Variants in CRIM1 observed in about 807,000 individuals in gnomAD.
CRIM1 encodes the protein cysteine rich transmembrane BMP regulator 1, also known as cysteine-rich motor neuron 1 protein.
In CRIM1, 32 loss-of-function variants were observed where a neutral mutation model predicts 116.4. The ratio of observed to expected loss-of-function variants is 0.27; its 90% CI spans 0.21 to 0.37. The LOEUF is 0.37. Ranked by LOEUF, CRIM1 falls within the 10% of genes least tolerant of loss-of-function variation. The pLI is 1.00. For missense variants in CRIM1, 1,331 were observed against 1,354.8 expected (o/e 0.98, Z 0.28); for synonymous variants, 590 against 509.2 (o/e 1.16, Z -2.13).
chr2:36,528,267 C>T (rs755943613), intron 13 of CRIM1, among the ~76,000 whole-genome samples: 8 of 152,274 alleles, frequency 5.3e-5, no homozygotes, highest in South Asian at 4.1e-4. Flanking sequence ...ATGAGCTTTT[C>T]GAGGCCGAGA....
intron 2 of CRIM1, among the ~76,000 whole-genome samples, chr2:36,423,623 G>T (rs1345922754): frequency 6.6e-6 from 1 of 152,174 alleles, no homozygotes; most frequent in Non-Finnish European, 1.5e-5. Context: ...CATACTTTGG[G>T]TTGGTGCTAC....
At chr2:36,357,293 G>A (rs1254188445) in intron 1 of CRIM1, among the ~76,000 whole-genome samples, 5 of 152,144 alleles carry the variant, frequency 3.3e-5, no homozygotes. Context: ...GGAAAGGGGG[G>A]TGGGGGTTGC....
chr2:36,409,864 A>G lies in CRIM1; in HGVS notation c.505+13077A>G, dbSNP rs569915689. Among the ~76,000 whole-genome samples, 4 of 152,336 alleles carry G rather than the reference A, an allele frequency of 2.6e-5. No homozygotes were observed. The South Asian group carries it at 8.3e-4, about 32-fold the overall frequency. Reference sequence around the variant, plus strand: ...AATAATAAAATTTGACTCATTCCCTAGTTCATATTGACCTTCACTAAGCAT... The same window carrying G: ...AATAATAAAATTTGACTCATTCCCTGGTTCATATTGACCTTCACTAAGCAT... On this transcript the variant is annotated intron_variant, in intron 2 of 16. Coordinates refer to ENST00000280527, the MANE Select transcript of CRIM1 (RefSeq NM_016441.3).
At chr2:36,534,330 AAAG>A (rs1181503670) in intron 13 of CRIM1, among the ~76,000 whole-genome samples, 3 of 114,232 alleles carry the variant, frequency 2.6e-5, no homozygotes, top group Non-Finnish European at 5.4e-5. Flanking sequence ...AAGAAGGAGA[AAAG>A]GAGGGAGGGA....
At chr2:36,428,939 G>T (rs906056090) in intron 2 of CRIM1, among the ~76,000 whole-genome samples, 1 of 152,198 alleles carries the variant, frequency 6.6e-6, no homozygotes, top group African/African-American at 2.4e-5. Flanking sequence ...GTGTGGCCAC[G>T]TGACTGAGTC....
chr2:36,531,114 C>A (rs1042332541), intron 13 of CRIM1, among the ~76,000 whole-genome samples: 3 of 152,178 alleles, frequency 2.0e-5, no homozygotes, highest in African/African-American at 7.2e-5. Flanking sequence ...ACCAGGATCC[C>A]AGAGTAAATT....
rs1668806797 is a variant in CRIM1 at position 36,356,440 on chromosome 2, A to G, written c.148A>G (p.Asn50Asp). The change falls in exon 1 of 17, where the codon AAC becomes GAC. Residue 50 changes from asparagine (N) to aspartate (D), a missense_variant. Transcript: ENST00000280527. This position sits in a 1 kb window ranked among gnomAD's most constrained non-coding sequence, Gnocchi z 4.3. ...CGAGTCCAAGTGCGAGGAGCCCAGG[A>G]ACTGCCCGGGGAGCATCGTGCAGGG... ...CDESKCEEPRNCPGSIVQGVC... is the reference protein window; with the variant it reads ...CDESKCEEPRDCPGSIVQGVC... The G allele has an allele frequency of 2.5e-6, 4 of 1,611,982 alleles. No homozygotes were observed. Among genetic ancestry groups the G allele is most frequent in the Non-Finnish European group, 3.4e-6 (4 of 1,179,714 alleles).
chr2:36,442,132 G>C (rs929355339), intron 3 of CRIM1, among the ~76,000 whole-genome samples: 5 of 152,036 alleles, frequency 3.3e-5, no homozygotes, highest in African/African-American at 1.2e-4. Flanking sequence ...TTGCTCTTGT[G>C]GCAGCATTTC....
chr2:36,483,512 A>G (rs564861095), intron 7 of CRIM1, among the ~76,000 whole-genome samples: 1 of 152,296 alleles, frequency 6.6e-6, no homozygotes, highest in East Asian at 1.9e-4. Flanking sequence ...CAAAGTTCGG[A>G]GGCCATGTAA....
chr2:36,544,645 T>A, intron 15 of CRIM1, 147 bp downstream of exon 15: 3 of 801,180 alleles, frequency 3.7e-6, no homozygotes, highest in Non-Finnish European at 5.0e-6. Flanking sequence ...CCTGCTTGGC[T>A]GAAACATATT....
At chr2:36,542,658 C>T (rs1483989838) in intron 14 of CRIM1, among the ~76,000 whole-genome samples, 2 of 152,126 alleles carry the variant, frequency 1.3e-5, no homozygotes. Context: ...CAGTTCGGCC[C>T]CTATTGTCAT....
At position 36,356,855 on chromosome 2, in the gene CRIM1, G is replaced by C. The variant is rs1416618923; in HGVS notation, c.331+232G>C. Among the ~76,000 whole-genome samples the C allele has an allele frequency of 6.6e-6, 1 of 152,094 alleles. No homozygotes were observed. Among genetic ancestry groups the C allele is most frequent in the Non-Finnish European group, 1.5e-5 (1 of 67,990 alleles). On this transcript the variant is annotated intron_variant, in intron 1 of 16. Transcript: ENST00000280527. This position sits in a 1 kb window ranked among gnomAD's most constrained non-coding sequence, Gnocchi z 4.3. ...TTGGGTATGGTGGGTGGGGGCGAGC[G>C]AGTGGAGGATCGCCCCTGTCCCCGC...
At chr2:36,476,841 A>G (rs1679009392) in intron 5 of CRIM1, 48 bp from the exon 6 acceptor site, 2 of 1,501,322 alleles carry the variant, frequency 1.3e-6, no homozygotes, top group Admixed American at 1.9e-5. Context: ...AAAGGACACA[A>G]CTAAAAAATG....
At chr2:36,466,657 G>A (rs1678057497) in intron 5 of CRIM1, among the ~76,000 whole-genome samples, 1 of 152,182 alleles carries the variant, frequency 6.6e-6, no homozygotes, top group Non-Finnish European at 1.5e-5. Flanking sequence ...TGTGTCTGTA[G>A]TTGTTAGCCT....
intron 7 of CRIM1, among the ~76,000 whole-genome samples, chr2:36,494,034 C>T (rs980149856): frequency 6.6e-6 from 1 of 152,042 alleles, no homozygotes; most frequent in African/African-American, 2.4e-5. Context: ...TGGAGAATTT[C>T]TCATAAAATA....
At chr2:36,460,170 A>G (rs1359217699) in intron 4 of CRIM1, among the ~76,000 whole-genome samples, 8 of 152,172 alleles carry the variant, frequency 5.3e-5, no homozygotes, top group Admixed American at 5.2e-4. Flanking sequence ...GCAAAAATTT[A>G]TTAATGTGGT....
rs545095845 is a variant in CRIM1 at position 36,532,441 on chromosome 2, C to G, written c.2429-4911C>G. Among the ~76,000 whole-genome samples, 293 of 152,264 alleles carry G rather than the reference C, an allele frequency of 1.9e-3. 1 individual carries two copies. Among genetic ancestry groups the G allele is most frequent in the Non-Finnish European group, 3.0e-3 (205 of 68,008 alleles). The stretch of plus-strand genomic sequence containing the variant: ...AAACAGAGATGTTCCTAAGGAGGAC[C>G]AGGAATCCTAAATTACCTAAATAAC... On this transcript the variant is annotated intron_variant, in intron 13 of 16. Transcript: ENST00000280527.
intron 7 of CRIM1, 144 bp from the exon 8 acceptor site, chr2:36,499,075 T>G: frequency 1.5e-6 from 1 of 648,260 alleles, no homozygotes. Context: ...GTTAAAGATA[T>G]TACTGGAGCA....
At chr2:36,456,004 T>TA (rs930260483) in intron 4 of CRIM1, among the ~76,000 whole-genome samples, 2 of 152,128 alleles carry the variant, frequency 1.3e-5, no homozygotes, top group African/African-American at 4.8e-5. Context: ...GATGCATGCT[T>TA]AAAGTCATCT....
Sources: gnomAD v4.1 joint callset for allele counts (sites outside exome capture counted in the v4.1 genomes callset) on GRCh38, gnomAD v4.1.1 for gene constraint, Gnocchi (gnomAD v3.1) non-coding constraint, MANE v1.5 for transcripts, NCBI Gene and HGNC (gene_info 2026-07-23, HGNC 2026-07-21) for gene names.